ERICH1: variants seen among roughly 807,000 people sequenced by gnomAD.
The protein encoded by ERICH1 is glutamate rich 1.
A neutral mutation model predicts 39.6 loss-of-function variants in ERICH1; 56 were observed. The ratio of observed to expected loss-of-function variants is 1.41; its 90% CI spans 1.14 to 1.77. The LOEUF (loss-of-function observed/expected upper bound fraction) is 1.77. Ranked by LOEUF, ERICH1 falls within the 40% of genes most tolerant of loss-of-function variation. The pLI is 0.00. For missense variants in ERICH1, 826 were observed against 575.4 expected, an observed-to-expected ratio of 1.44 and a Z score of -4.45; for synonymous variants, 313 against 223.6, an observed-to-expected ratio of 1.40 and a Z score of -3.57.
intron 3 of ERICH1, among the ~76,000 whole-genome samples, chr8:691,963 A>G (rs1585351720): frequency 6.6e-6 from 1 of 152,350 alleles, no homozygotes; most frequent in Non-Finnish European, 1.5e-5. Flanking sequence ...TCAACAGTCA[A>G]CCGTATTAAG....
intron 1 of ERICH1, among the ~76,000 whole-genome samples, chr8:727,891 G>A (rs10094174): frequency 0.22 from 34,021 of 152,206 alleles, 4,306 homozygotes; most frequent in East Asian, 0.42. Context: ...GGGGCACTGT[G>A]GGGCAGGGAC....
chr8:657,332 C>G (rs11136972), intron 3 of ERICH1, among the ~76,000 whole-genome samples: 29,529 of 151,780 alleles, frequency 0.19, 3,509 homozygotes, highest in Middle Eastern at 0.34. Flanking sequence ...AGGAATGTTT[C>G]TGTGTGGAGG....
At chr8:698,141 A>G (rs1255436197) in intron 2 of ERICH1, among the ~76,000 whole-genome samples, 3 of 152,112 alleles carry the variant, frequency 2.0e-5, no homozygotes, top group Admixed American at 2.0e-4. Flanking sequence ...TTTAACATAC[A>G]GCCAAAGACA....
At chr8:690,762 A>G (rs1204032938) in intron 3 of ERICH1, 1 of 152,550 alleles carries the variant, frequency 6.6e-6, no homozygotes, top group Non-Finnish European at 1.5e-5. Context: ...AAAAACAAAC[A>G]GCACTTTCCT....
intron 3 of ERICH1, among the ~76,000 whole-genome samples, chr8:642,979 T>G (rs1194858665): frequency 6.6e-6 from 1 of 152,158 alleles, no homozygotes; most frequent in Non-Finnish European, 1.5e-5. Flanking sequence ...GAGTCACTTG[T>G]TGGAACGTGG....
At chr8:696,275 T>G (rs1318068398) in intron 2 of ERICH1, among the ~76,000 whole-genome samples, 14 of 75,568 alleles carry the variant, frequency 1.9e-4, no homozygotes, top group Admixed American at 2.5e-4. Context: ...CAGCCTGCGC[T>G]CGCTCCTCTC....
chr8:633,103 G>A (rs367798453), intron 3 of ERICH1, among the ~76,000 whole-genome samples: 23 of 151,154 alleles, frequency 1.5e-4, no homozygotes, highest in African/African-American at 5.6e-4. Context: ...AACCAGTGTG[G>A]AAACCAGTGT....
chr8:628,228 G>T lies in ERICH1; in HGVS notation c.977-12944C>A, dbSNP rs35204160. ...TTGATGTTATCTGCAGGCTAGCCAG[G>T]GCCCCAGGCAGGCAGAGCAGGGTGG... On this transcript the variant is annotated intron_variant, in intron 3 of 3. Transcript: ENST00000522706. Among the ~76,000 whole-genome samples, 253 of 152,238 alleles carry T rather than the reference G, an allele frequency of 1.7e-3. 1 individual carries two copies. The highest frequency in any genetic ancestry group is 5.6e-3 in the African/African-American group (234 of 41,530).
At chr8:625,979 A>T (rs1294357371) in intron 3 of ERICH1, 3 of 152,182 alleles carry the variant, frequency 2.0e-5, no homozygotes, top group Non-Finnish European at 4.4e-5. Flanking sequence ...CTAGCAAAGG[A>T]TATTATTTTT....
At chr8:656,292 C>A (rs1344728221) in intron 3 of ERICH1, among the ~76,000 whole-genome samples, 1 of 152,212 alleles carries the variant, frequency 6.6e-6, no homozygotes, top group African/African-American at 2.4e-5. Context: ...TCCTCCCCTT[C>A]GAAATCTGCA....
At chr8:641,697 C>T (rs892045958) in intron 3 of ERICH1, among the ~76,000 whole-genome samples, 5 of 152,200 alleles carry the variant, frequency 3.3e-5, no homozygotes, top group African/African-American at 7.2e-5. Flanking sequence ...ACGCTGGCAG[C>T]GGAGCTCCTC....
chr8:681,549 G>C lies in ERICH1; in HGVS notation c.305-7502C>G, dbSNP rs143921806. On this transcript the variant is annotated intron_variant, in intron 3 of 5. Coordinates refer to ENST00000262109, the MANE Select transcript of ERICH1 (RefSeq NM_207332.3). ...AACTTGAAGGAACAAAACGCAAGCA[G>C]GATTGCAAAGCAGTGCCCTCCACCT... 8.4e-4 allele frequency among the ~76,000 whole-genome samples: 128 copies of C among 152,334 alleles called. No homozygotes were observed. The East Asian group carries it at 0.022, about 27-fold the overall frequency.
chr8:679,173 A>C (rs1585237002), intron 3 of ERICH1, among the ~76,000 whole-genome samples: 1 of 98,436 alleles, frequency 1.0e-5, no homozygotes. Context: ...CCCACCCCTC[A>C]CAGCACCCAC....
intron 3 of ERICH1, among the ~76,000 whole-genome samples, chr8:618,752 G>A (rs910335139): frequency 1.5e-4 from 23 of 152,118 alleles, no homozygotes; most frequent in Admixed American, 3.9e-4. Flanking sequence ...CTGGTGTCGT[G>A]GACTACCCTG....
chr8:619,191 A>G (rs1797121491), intron 3 of ERICH1, among the ~76,000 whole-genome samples: 1 of 152,052 alleles, frequency 6.6e-6, no homozygotes, highest in Non-Finnish European at 1.5e-5. Context: ...CCCACCTCCC[A>G]GCCCCGTGTT....
chr8:705,834 G>A (rs1813146286), intron 2 of ERICH1, among the ~76,000 whole-genome samples: 1 of 152,252 alleles, frequency 6.6e-6, no homozygotes, highest in South Asian at 2.1e-4. Context: ...AGACACTGGT[G>A]AAAGGCTGGC....
rs1258262450 is a variant in ERICH1, at chr8:715,886, G to A, written c.144C>T (p.Ser48=). The change falls in exon 2 of 6, where the codon AGC becomes AGT. Residue 48 remains serine, a synonymous_variant. Transcript: ENST00000262109. The part of the protein sequence containing the change: ...PPKKVTSEKV[S]QKHAEPLTDT... Reference sequence around the variant, plus strand: ...CTGTCAAAGGCTCAGCATGTTTCTGGCTCACTTTCTCAGAGGTCACTTTCT... The same window carrying A: ...CTGTCAAAGGCTCAGCATGTTTCTGACTCACTTTCTCAGAGGTCACTTTCT... 1 of 1,613,438 alleles carries A rather than the reference G, an allele frequency of 6.2e-7. No individual in the cohort carries two copies. Among genetic ancestry groups the A allele is most frequent in the Non-Finnish European group, 8.5e-7 (1 of 1,179,738 alleles).
At chr8:688,866 T>C (rs536730586) in intron 3 of ERICH1, among the ~76,000 whole-genome samples, 144 of 152,324 alleles carry the variant, frequency 9.5e-4, no homozygotes, top group African/African-American at 3.3e-3. Flanking sequence ...ACAAAATATT[T>C]TTCTAGCGCT....
intron 2 of ERICH1, among the ~76,000 whole-genome samples, chr8:704,717 A>C (rs749892376): frequency 6.6e-6 from 1 of 152,190 alleles, no homozygotes; most frequent in Non-Finnish European, 1.5e-5. Context: ...CTTAGTTTCC[A>C]AAGTCAATAC....
Sources: allele counts gnomAD v4.1 joint callset (sites outside exome capture counted in the v4.1 genomes callset), GRCh38; gene constraint gnomAD v4.1.1; transcripts MANE v1.5; gene names NCBI Gene and HGNC (gene_info 2026-07-23, HGNC 2026-07-21).